The following TRAK1 variants were observed in gnomAD, a reference collection of about 807,000 sequenced individuals.
The protein encoded by TRAK1 is trafficking kinesin-binding protein 1.
A neutral mutation model predicts 92.1 loss-of-function variants in TRAK1; 33 were observed. That is an observed-to-expected ratio of 0.36 (90% CI 0.27 to 0.48). The LOEUF is 0.48. Ranked by LOEUF, TRAK1 falls within the 20% of genes least tolerant of loss-of-function variation. The pLI is 0.99. For synonymous variants in TRAK1, 521 were observed against 517.3 expected (o/e 1.01, Z -0.10); for missense variants, 1,123 against 1,257.9 (o/e 0.89, Z 1.62).
intron 1 of TRAK1, among the ~76,000 whole-genome samples, chr3:42,069,894 C>T (rs573400173): frequency 1.5e-4 from 23 of 152,128 alleles, no homozygotes; most frequent in African/African-American, 5.1e-4. Flanking sequence ...TTCTGTCACC[C>T]AGGCTGGAGT....
intron 1 of TRAK1, among the ~76,000 whole-genome samples, chr3:42,109,460 T>C (rs1471842524): frequency 2.0e-5 from 3 of 152,170 alleles, no homozygotes. Context: ...AATTCAACTG[T>C]GAAAGTGCTA....
chr3:42,190,814 T>C lies in TRAK1; in HGVS notation c.691-744T>C, dbSNP rs1446758008. On this transcript the variant is annotated intron_variant, in intron 6 of 15. Transcript: ENST00000327628. ...CTCCCTTCCTCCCTCCCTCCCTCCA[T>C]GGGAGTCTTGCTCTGTCACCCACGC... 2.8e-5 allele frequency among the ~76,000 whole-genome samples: 4 copies of C among 145,264 alleles called. No individual in the cohort carries two copies. The South Asian group carries it at 7.4e-4, about 27-fold the overall frequency.
rs1707457221 is a variant in TRAK1, at chr3:42,201,005, GACA to G, written c.1383_1385del (p.Asn461del). ...CAGCGACATAGGCAACGTCGTCCTC[GACA>G]ACAAGACCAACAGCATCATTCTGGA... On this transcript the variant is annotated inframe_deletion, in exon 12 of 16. Transcript: ENST00000327628. 6.2e-7 allele frequency: 1 copy of G among 1,614,144 alleles called. No homozygotes were observed. The highest frequency in any genetic ancestry group is 1.1e-5 in the South Asian group (1 of 91,070).
chr3:42,160,360 C>T (rs150467214), intron 2 of TRAK1: 1 of 1,614,016 alleles, frequency 6.2e-7, no homozygotes, highest in South Asian at 1.1e-5. Context: ...GTGACTTCAG[C>T]AATGTCCCTG....
At chr3:42,043,252 A>G (rs1273615858) in intron 1 of TRAK1, among the ~76,000 whole-genome samples, 1 of 150,722 alleles carries the variant, frequency 6.6e-6, no homozygotes, top group Non-Finnish European at 1.5e-5. Context: ...CCTCCCTCTC[A>G]CATTGCCCGT....
intron 1 of TRAK1, among the ~76,000 whole-genome samples, chr3:42,027,134 A>G (rs1042026682): frequency 6.6e-6 from 1 of 152,212 alleles, no homozygotes; most frequent in South Asian, 2.1e-4. Context: ...TAATTACCCC[A>G]TCATTTTTAT....
chr3:42,069,732 A>C (rs1023039685), intron 1 of TRAK1, among the ~76,000 whole-genome samples: 1 of 152,198 alleles, frequency 6.6e-6, no homozygotes, highest in Non-Finnish European at 1.5e-5. Flanking sequence ...TGCCTTATTT[A>C]ATCAAAATCA....
intron 2 of TRAK1, among the ~76,000 whole-genome samples, chr3:42,142,869 C>T (rs9852952): frequency 0.072 from 11,014 of 152,280 alleles, 495 homozygotes; most frequent in Non-Finnish European, 0.1. Context: ...TGTCACAACA[C>T]AGTGCATGGT....
chr3:42,182,249 G>C (rs74732916), intron 3 of TRAK1, among the ~76,000 whole-genome samples: 1,545 of 152,000 alleles, frequency 0.01, 19 homozygotes, highest in African/African-American at 0.035. Flanking sequence ...GCAAGGTCAT[G>C]ATGGGGAGGC....
Position 42,203,606 on chromosome 3 carries a change from T to G in TRAK1, c.1744+854T>G, listed in dbSNP as rs375797814. ...TTATATTTTTCATTTTTTACTCCTT[T>G]AGTTTGGAAAGCCATATACGTTTGA... On this transcript the variant is annotated intron_variant, in intron 13 of 15. Coordinates refer to ENST00000327628, the MANE Select transcript of TRAK1 (RefSeq NM_001042646.3). The G allele has an allele frequency of 3.2e-4, 313 of 985,252 alleles. 5 individuals carry two copies. In the South Asian group the frequency reaches 0.01, roughly 33 times the overall value. The allele number at this position is 985,252 out of a possible 1,614,324, so 61.0% of individuals were successfully genotyped here. A position where few individuals can be genotyped will look rare whatever the true frequency, so the allele number is the denominator to read the frequency against.
At chr3:42,107,969 C>T (rs1707822919) in intron 1 of TRAK1, among the ~76,000 whole-genome samples, 1 of 151,640 alleles carries the variant, frequency 6.6e-6, no homozygotes, top group South Asian at 2.1e-4. Context: ...TGCGGAAGCT[C>T]CAGCCATCAT....
rs1559412002 is a variant in TRAK1, at chr3:42,223,630, A to G, written c.2755A>G (p.Ser919Gly). The G allele has an allele frequency of 1.9e-6, 3 of 1,613,574 alleles. No homozygotes were observed. Among genetic ancestry groups the G allele is most frequent in the East Asian group, 4.5e-5 (2 of 44,842 alleles). Residue 919 changes from serine to glycine, a missense_variant, in exon 16 of 16, where the codon AGC becomes GGC. Coordinates refer to ENST00000327628, the MANE Select transcript of TRAK1 (RefSeq NM_001042646.3). The surrounding 1 kb of genome is among the most constrained non-coding windows in gnomAD (Gnocchi z 6.1). ...CAATAGTGGCATCCGGCGGAATCGC[A>G]GCTTCCCCACCATGGTGGGATCTAG... is the stretch of plus-strand genomic sequence containing the variant. ...QLNSGIRRNR[S>G]FPTMVGSSMQ...
In TRAK1 at chr3:42,138,871, TA is replaced by T. The variant is rs1456223900; in HGVS notation, c.286+13258del. Reference sequence around the variant, plus strand: ...TGAGGTGGTGACCTAAAAGAAAGCATAGGGGGTGTGTGTGTGTGTGTGTGTG... The same window carrying T: ...TGAGGTGGTGACCTAAAAGAAAGCATGGGGGTGTGTGTGTGTGTGTGTGTG... On this transcript the variant is annotated intron_variant, in intron 2 of 15. Transcript: ENST00000327628. 8.7e-5 allele frequency among the ~76,000 whole-genome samples: 8 copies of T among 91,832 alleles called. No homozygotes were observed. In the East Asian group the frequency reaches 1.6e-3, roughly 18 times the overall value. 60.2% of individuals were successfully genotyped at this position (91,832 alleles called of 152,430 possible). A position where few individuals can be genotyped will look rare whatever the true frequency, so the allele number is the denominator to read the frequency against.
chr3:42,035,249 C>T (rs1332176644), intron 1 of TRAK1, among the ~76,000 whole-genome samples: 7 of 152,072 alleles, frequency 4.6e-5, no homozygotes, highest in African/African-American at 1.7e-4. Context: ...CTTGGTTTTC[C>T]TCCTACTTCT....
intron 2 of TRAK1, among the ~76,000 whole-genome samples, chr3:42,141,748 G>A (rs1698679505): frequency 6.6e-6 from 1 of 152,110 alleles, no homozygotes; most frequent in South Asian, 2.1e-4. Flanking sequence ...CTCCTCTGTG[G>A]GCGTTTTCTC....
chr3:42,201,193 T>A (rs780298956), intron 12 of TRAK1, 139 bp downstream of exon 12: 4 of 936,832 alleles, frequency 4.3e-6, no homozygotes, highest in Non-Finnish European at 6.5e-6. Context: ...GCGTGGTGGC[T>A]CGCGCCTATA....
intron 6 of TRAK1, among the ~76,000 whole-genome samples, chr3:42,190,321 G>A (rs1705525542): frequency 6.6e-6 from 1 of 152,148 alleles, no homozygotes; most frequent in Non-Finnish European, 1.5e-5. Context: ...CAGACCATCT[G>A]TCAACTTGAA....
At chr3:42,090,742 C>T (rs115628731), upstream of TRAK1, among the ~76,000 whole-genome samples, 1,543 of 152,276 alleles carry the variant, frequency 0.01, 22 homozygotes, top group African/African-American at 0.036. Flanking sequence ...GAATGTAGTG[C>T]TGAAACTTCA....
chr3:42,061,123 A>G (rs886647684), intron 1 of TRAK1, among the ~76,000 whole-genome samples: 1 of 152,136 alleles, frequency 6.6e-6, no homozygotes, highest in Non-Finnish European at 1.5e-5. Flanking sequence ...GTTATGGTAT[A>G]ATTTTAGATT....
Sources: gnomAD v4.1 joint callset for allele counts (sites outside exome capture counted in the v4.1 genomes callset) on GRCh38, gnomAD v4.1.1 for gene constraint, Gnocchi (gnomAD v3.1) non-coding constraint, MANE v1.5 for transcripts, NCBI Gene and HGNC (gene_info 2026-07-23, HGNC 2026-07-21) for gene names.